Variants in CTNND2 observed in about 807,000 individuals in gnomAD.
CTNND2 encodes the protein catenin delta 2.
In CTNND2, 22 loss-of-function variants were observed where a neutral mutation model predicts 144.4. That is an observed-to-expected ratio of 0.15 (90% CI 0.11 to 0.22). CTNND2 has a LOEUF of 0.22. Ranked by LOEUF, CTNND2 falls within the 10% of genes least tolerant of loss-of-function variation. The probability of loss-of-function intolerance (pLI) is 1.00; values close to 1 mark genes in which losing one functional copy is unlikely to be tolerated. For missense variants in CTNND2, 1,353 were observed against 1,618.8 expected, an observed-to-expected ratio of 0.84 and a Z score of 2.82; for synonymous variants, 751 against 695.6, an observed-to-expected ratio of 1.08 and a Z score of -1.25.
rs57779455 is a variant in CTNND2 at position 10,983,302 on chromosome 5, T to A, written c.3344-1456A>T. ...CTATTATGTATTCATAAATTTTTTT[T>A]TAAAAAAGCTTTGGAAAATGCTGTC... is the stretch of plus-strand genomic sequence containing the variant. On this transcript the variant is annotated intron_variant, in intron 20 of 21. Transcript: ENST00000304623. Among the ~76,000 whole-genome samples, 4 of 152,144 alleles carry A rather than the reference T, an allele frequency of 2.6e-5. No homozygotes were observed. The South Asian group carries it at 8.3e-4, about 32-fold the overall frequency.
At chr5:11,729,920 T>A (rs1239039404) in intron 2 of CTNND2, among the ~76,000 whole-genome samples, 1 of 152,218 alleles carries the variant, frequency 6.6e-6, no homozygotes, top group Non-Finnish European at 1.5e-5. Flanking sequence ...TAAAATTGTA[T>A]GTCCCCAATG....
intron 3 of CTNND2, among the ~76,000 whole-genome samples, chr5:11,543,022 T>C (rs1023692620): frequency 1.3e-5 from 2 of 152,252 alleles, no homozygotes; most frequent in African/African-American, 2.4e-5. Context: ...GCACCTCTTC[T>C]ACCTCTGCTC....
At chr5:11,324,312 A>C (rs1752324302) in intron 9 of CTNND2, among the ~76,000 whole-genome samples, 1 of 152,222 alleles carries the variant, frequency 6.6e-6, no homozygotes, top group African/African-American at 2.4e-5. Flanking sequence ...CTTCCCCATC[A>C]GATTGAAGCC....
chr5:11,641,699 T>C (rs917479031), intron 2 of CTNND2, among the ~76,000 whole-genome samples: 2 of 138,848 alleles, frequency 1.4e-5, no homozygotes, highest in African/African-American at 2.9e-5. Flanking sequence ...TGTGTGTATA[T>C]ACATATACGT....
intron 2 of CTNND2, among the ~76,000 whole-genome samples, chr5:11,725,367 T>C (rs1406206356): frequency 6.6e-6 from 1 of 152,358 alleles, no homozygotes; most frequent in East Asian, 1.9e-4. Flanking sequence ...ATTTGGGTTA[T>C]TAGTGATTCC....
At chr5:11,434,789 T>C (rs947272483) in intron 3 of CTNND2, among the ~76,000 whole-genome samples, 1 of 152,186 alleles carries the variant, frequency 6.6e-6, no homozygotes, top group South Asian at 2.1e-4. Context: ...GAATGCCTCC[T>C]ATATTAATAG....
At chr5:11,450,335 C>CAAAAAAAAAAAAA (rs1765192900) in intron 3 of CTNND2, among the ~76,000 whole-genome samples, 1 of 152,166 alleles carries the variant, frequency 6.6e-6, no homozygotes, top group Admixed American at 6.5e-5. Flanking sequence ...GAGTGTTGAG[C>CAAAAAAAAAAAAA]TGTATGTCAC....
At chr5:11,085,477 A>C (rs1460112357) in intron 15 of CTNND2, among the ~76,000 whole-genome samples, 1 of 152,226 alleles carries the variant, frequency 6.6e-6, no homozygotes, top group Non-Finnish European at 1.5e-5. Flanking sequence ...CGCTTGTGTC[A>C]GGAAAGGATC....
intron 2 of CTNND2, among the ~76,000 whole-genome samples, chr5:11,653,047 CT>C (rs887358338): frequency 1.5e-4 from 23 of 149,332 alleles, no homozygotes; most frequent in African/African-American, 5.2e-4. Context: ...GAATTTCCTT[CT>C]TTTTTAAGGC....
At chr5:11,616,730 C>T (rs1228875189) in intron 2 of CTNND2, among the ~76,000 whole-genome samples, 1 of 152,104 alleles carries the variant, frequency 6.6e-6, no homozygotes, top group African/African-American at 2.4e-5. Flanking sequence ...CCTCAGCCTC[C>T]TGAGTAGCTG....
intron 1 of CTNND2, among the ~76,000 whole-genome samples, chr5:11,860,118 C>T (rs966299453): frequency 6.6e-6 from 1 of 152,162 alleles, no homozygotes; most frequent in African/African-American, 2.4e-5. Flanking sequence ...GTTTATGCTA[C>T]AATTAAACAT....
rs893571969 is a variant in CTNND2 at position 11,152,946 on chromosome 5, C to T, written c.2159+6630G>A. On this transcript the variant is annotated intron_variant, in intron 12 of 21. Coordinates refer to ENST00000304623, the MANE Select transcript of CTNND2 (RefSeq NM_001332.4). The stretch of plus-strand genomic sequence containing the variant: ...TCCCATGTCCACACAGAGTCCTTCT[C>T]ATTTTCAAGAACCTGGATTAAGAGT... Among the ~76,000 whole-genome samples, 3 of 152,038 alleles carry T rather than the reference C, an allele frequency of 2.0e-5. No homozygotes were observed. The East Asian group carries it at 5.8e-4, about 29-fold the overall frequency.
intron 2 of CTNND2, among the ~76,000 whole-genome samples, chr5:11,588,028 C>T (rs545256052): frequency 1.8e-4 from 27 of 152,114 alleles, no homozygotes; most frequent in Non-Finnish European, 3.2e-4. Flanking sequence ...TCTTGAAACA[C>T]TTGGTAAAGG....
intron 21 of CTNND2, among the ~76,000 whole-genome samples, chr5:10,976,432 CAATAGAGCAGAGGGG>C: frequency 6.6e-6 from 1 of 152,274 alleles, no homozygotes; most frequent in South Asian, 2.1e-4. Context: ...AATGATGCCC[CAATAGAGCAGAGGGG>C]ATTTCTGAAT....
intron 7 of CTNND2, among the ~76,000 whole-genome samples, chr5:11,379,119 C>T (rs759507849): frequency 6.6e-6 from 1 of 152,060 alleles, no homozygotes; most frequent in African/African-American, 2.4e-5. Flanking sequence ...CTACAAATCC[C>T]GAAAGTGAAA....
chr5:11,812,531 C>T (rs994932878), intron 1 of CTNND2, among the ~76,000 whole-genome samples: 3 of 152,050 alleles, frequency 2.0e-5, no homozygotes, highest in African/African-American at 4.8e-5. Context: ...GAGTTTGCAT[C>T]GAATTGCTTG....
At chr5:11,333,257 A>G (rs980461165) in intron 9 of CTNND2, among the ~76,000 whole-genome samples, 11 of 151,566 alleles carry the variant, frequency 7.3e-5, no homozygotes, top group African/African-American at 2.7e-4. Flanking sequence ...TTTCTTTTCT[A>G]TTCTTTTCTT....
intron 1 of CTNND2, among the ~76,000 whole-genome samples, chr5:11,746,599 A>T (rs1196010080): frequency 6.6e-6 from 1 of 152,138 alleles, no homozygotes; most frequent in Non-Finnish European, 1.5e-5. Flanking sequence ...AGTGTTACTA[A>T]ATCAATGATA....
chr5:11,104,624 G>C (rs1368920128), intron 14 of CTNND2, among the ~76,000 whole-genome samples: 1 of 152,166 alleles, frequency 6.6e-6, no homozygotes, highest in Non-Finnish European at 1.5e-5. Context: ...AAGCCAGCGA[G>C]AAATGATTCT....
Sources: allele counts gnomAD v4.1 joint callset (sites outside exome capture counted in the v4.1 genomes callset), GRCh38; gene constraint gnomAD v4.1.1; transcripts MANE v1.5; gene names NCBI Gene and HGNC (gene_info 2026-07-23, HGNC 2026-07-21).